RNF216: variants seen among roughly 807,000 people sequenced by gnomAD.
RNF216 encodes E3 ubiquitin-protein ligase RNF216.
Under a neutral mutation model 110.8 loss-of-function variants are expected in RNF216, and 72 were observed. The ratio of observed to expected loss-of-function variants is 0.65; its 90% CI spans 0.54 to 0.79. The LOEUF is 0.79. Ranked by LOEUF, RNF216 falls within the 30% of genes least tolerant of loss-of-function variation. The probability of loss-of-function intolerance (pLI) is 0.00; values close to 1 mark genes in which losing one functional copy is unlikely to be tolerated. For synonymous variants in RNF216, 495 were observed against 407.5 expected, an observed-to-expected ratio of 1.21 and a Z score of -2.59; for missense variants, 1,342 against 1,141.2, an observed-to-expected ratio of 1.18 and a Z score of -2.54.
intron 3 of RNF216, among the ~76,000 whole-genome samples, chr7:5,750,782 C>A (rs148499999): frequency 2.0e-5 from 3 of 152,320 alleles, no homozygotes; most frequent in African/African-American, 7.2e-5. Context: ...ATGCCTCTCA[C>A]GTGGCAGGAC....
chr7:5,685,994 G>A (rs144046564), intron 13 of RNF216, among the ~76,000 whole-genome samples: 2,106 of 152,008 alleles, frequency 0.014, 38 homozygotes, highest in African/African-American at 0.047. Flanking sequence ...AGGCTGAGGC[G>A]GACGGATCAT....
chr7:5,692,154 G>A lies in RNF216; in HGVS notation c.2061+19607C>T, dbSNP rs898423516. Among the ~76,000 whole-genome samples the A allele has an allele frequency of 5.9e-5, 9 of 152,326 alleles. 1 individual carries two copies. Among genetic ancestry groups the A allele is most frequent in the Non-Finnish European group, 1.0e-4 (7 of 68,032 alleles). On this transcript the variant is annotated intron_variant, in intron 13 of 16. Transcript: ENST00000389902. ...TAGCACGGCTATTTGAAAAATATTT[G>A]CTTGGGAGCTGGAAGAGGGAACTAT...
chr7:5,706,193 C>A (rs1792277057), intron 13 of RNF216, among the ~76,000 whole-genome samples: 1 of 145,228 alleles, frequency 6.9e-6, no homozygotes. Context: ...GCACTCCAGC[C>A]TGAGCAACAC....
At chr7:5,768,494 C>T (rs1490369880) in intron 1 of RNF216, among the ~76,000 whole-genome samples, 1 of 151,842 alleles carries the variant, frequency 6.6e-6, no homozygotes, top group Admixed American at 6.6e-5. Context: ...ACACTTTATC[C>T]AGTAACTGCA....
intron 5 of RNF216, among the ~76,000 whole-genome samples, chr7:5,734,555 T>G (rs2128646476): frequency 6.6e-6 from 1 of 151,426 alleles, no homozygotes; most frequent in Non-Finnish European, 1.5e-5. Context: ...AAAGAATATG[T>G]GGAAAGGCTT....
Position 5,741,219 on chromosome 7 carries a change from C to G in RNF216, c.798G>C (p.Gln266His). The G allele has an allele frequency of 1.2e-6, 2 of 1,614,146 alleles. No homozygotes were observed. Among genetic ancestry groups the G allele is most frequent in the Non-Finnish European group, 1.7e-6 (2 of 1,180,022 alleles). Residue 266 changes from glutamine (Q) to histidine (H), a missense_variant, in exon 4 of 17, where the codon CAG (glutamine) becomes CAC (histidine). Transcript: ENST00000389902. ...GAAAAGCGGGCCCTGGGAATTCATG[C>G]TGAAACAACAAGCGGCCCAGTTCTG... ...PEAELGRLLF[Q>H]HEFPGPAFPR...
intron 13 of RNF216, among the ~76,000 whole-genome samples, chr7:5,661,002 G>A (rs1789100518): frequency 7.5e-6 from 1 of 134,154 alleles, no homozygotes; most frequent in East Asian, 2.2e-4. Context: ...CCAGGCTGGA[G>A]TAAATTCCGA....
At chr7:5,712,275 T>C (rs1256577602) in intron 12 of RNF216, among the ~76,000 whole-genome samples, 1 of 152,014 alleles carries the variant, frequency 6.6e-6, no homozygotes, top group Non-Finnish European at 1.5e-5. Context: ...AGGTCAGGAG[T>C]TGGAGACCAG....
chr7:5,626,204 C>T (rs962260968), intron 15 of RNF216, among the ~76,000 whole-genome samples: 6 of 152,146 alleles, frequency 3.9e-5, no homozygotes, highest in Admixed American at 3.3e-4. Flanking sequence ...CATCTAGCCT[C>T]TTTGTGAACA....
At chr7:5,756,005 C>A (rs1216527410) in intron 2 of RNF216, among the ~76,000 whole-genome samples, 1 of 152,048 alleles carries the variant, frequency 6.6e-6, no homozygotes, top group African/African-American at 2.4e-5. Context: ...GTGTCCCCAC[C>A]AAAAATCTCA....
chr7:5,730,241 A>G (rs1020355268), intron 6 of RNF216, among the ~76,000 whole-genome samples: 3 of 152,254 alleles, frequency 2.0e-5, no homozygotes, highest in Admixed American at 6.5e-5. Flanking sequence ...GAAACATAAC[A>G]AAGTTGTGCT....
At position 5,741,782 on chromosome 7, in the gene RNF216, T is replaced by A. The variant is rs774457096; in HGVS notation, c.235A>T (p.Ile79Phe). 6.2e-7 allele frequency: 1 copy of A among 1,612,422 alleles called. No homozygotes were observed. The highest frequency in any genetic ancestry group is 8.5e-7 in the Non-Finnish European group (1 of 1,178,732). ...TCTTGCCACTGGGCAGCTGGTTTGA[T>A]GAGATTGGGTCGTGATCTCTGAGGT... is the stretch of plus-strand genomic sequence containing the variant. ...NKPQRSRPNL[I>F]KPAAQWQDLK... Residue 79 changes from isoleucine (I) to phenylalanine (F), a missense_variant, in exon 4 of 17, where the codon ATC (isoleucine) becomes TTC (phenylalanine). Physicochemically the swap from Ile to Phe is conservative, Grantham distance 21. Coordinates refer to ENST00000389902, the MANE Select transcript of RNF216 (RefSeq NM_207111.4).
intron 13 of RNF216, among the ~76,000 whole-genome samples, chr7:5,652,800 G>GACAAACA (rs1788480936): frequency 6.6e-6 from 1 of 151,794 alleles, no homozygotes; most frequent in Non-Finnish European, 1.5e-5. Flanking sequence ...TTAAAAAAAA[G>GACAAACA]ACAAAGAGTT....
At chr7:5,666,256 G>A (rs1347568677) in intron 13 of RNF216, among the ~76,000 whole-genome samples, 1 of 152,020 alleles carries the variant, frequency 6.6e-6, no homozygotes, top group Admixed American at 6.6e-5. Flanking sequence ...CACATTAAGT[G>A]TAATATACAG....
intron 13 of RNF216, among the ~76,000 whole-genome samples, chr7:5,679,177 T>C (rs1790495821): frequency 6.6e-6 from 1 of 151,920 alleles, no homozygotes; most frequent in South Asian, 2.1e-4. Flanking sequence ...GAGGATCCTG[T>C]CACCCTCGGG....
intron 13 of RNF216, among the ~76,000 whole-genome samples, chr7:5,654,288 T>C (rs1200961550): frequency 6.6e-6 from 1 of 152,064 alleles, no homozygotes; most frequent in Non-Finnish European, 1.5e-5. Flanking sequence ...TTATACTATA[T>C]GTGTACTATC....
chr7:5,652,225 A>C (rs1216120487), intron 14 of RNF216, among the ~76,000 whole-genome samples, 188 bp downstream of exon 14: 1 of 152,164 alleles, frequency 6.6e-6, no homozygotes, highest in Admixed American at 6.5e-5. Flanking sequence ...TTGTCTTCTG[A>C]AATAACTCCA....
intron 8 of RNF216, among the ~76,000 whole-genome samples, chr7:5,722,769 C>A (rs1793514156): frequency 6.6e-6 from 1 of 151,804 alleles, no homozygotes; most frequent in Non-Finnish European, 1.5e-5. Flanking sequence ...CGCCTGTAAT[C>A]CCAGCACTTT....
chr7:5,628,490 C>T (rs1159334407), intron 15 of RNF216, among the ~76,000 whole-genome samples: 1 of 152,064 alleles, frequency 6.6e-6, no homozygotes, highest in Non-Finnish European at 1.5e-5. Context: ...AAAAATTACG[C>T]TTTTAGCTAA....
Sources: allele counts gnomAD v4.1 joint callset (sites outside exome capture counted in the v4.1 genomes callset), GRCh38; gene constraint gnomAD v4.1.1; transcripts MANE v1.5; gene names NCBI Gene and HGNC (gene_info 2026-07-23, HGNC 2026-07-21).